Variants in UTRN observed in about 807,000 individuals in gnomAD.
The protein encoded by UTRN is dystrophin-related protein 1.
UTRN carries 283 observed loss-of-function variants against 463.9 expected under a neutral mutation model. The ratio of observed to expected loss-of-function variants is 0.61; its 90% confidence interval spans 0.55 to 0.67. UTRN has a LOEUF of 0.67. Among genes scored for constraint, UTRN ranks in the 30% least tolerant of loss-of-function variants. The pLI is 0.00. For missense variants in UTRN, 3,922 were observed against 4,084.3 expected (o/e 0.96, Z 1.08); for synonymous variants, 1,442 against 1,431.5 (o/e 1.01, Z -0.17).
intron 51 of UTRN, among the ~76,000 whole-genome samples, chr6:144,623,464 A>G (rs946583580): frequency 1.3e-5 from 2 of 152,134 alleles, no homozygotes; most frequent in African/African-American, 4.8e-5. Flanking sequence ...AGTACTTGTT[A>G]CTCTTAACTA....
intron 2 of UTRN, among the ~76,000 whole-genome samples, chr6:144,323,338 T>C (rs551340811): frequency 6.6e-6 from 1 of 152,200 alleles, no homozygotes; most frequent in African/African-American, 2.4e-5. Flanking sequence ...TCCAACATCA[T>C]TCATCTCCAT....
chr6:144,300,206 C>T (rs1250547703), intron 2 of UTRN, among the ~76,000 whole-genome samples: 4 of 152,014 alleles, frequency 2.6e-5, no homozygotes, highest in African/African-American at 7.3e-5. Context: ...TCTCCCACCT[C>T]AGCTTCATGA....
Position 144,605,021 on chromosome 6 carries a change from C to T in UTRN, c.7479+27733C>T, listed in dbSNP as rs111597365. Among the ~76,000 whole-genome samples the T allele has an allele frequency of 4.2e-3, 638 of 152,264 alleles. 4 individuals carry two copies. The highest frequency in any genetic ancestry group is 0.014 in the African/African-American group (602 of 41,558). On this transcript the variant is annotated intron_variant, in intron 51 of 74. Transcript: ENST00000367545. ...TATTTATGGAAGAATCCACTTCTCA[C>T]GATATATCGTTGGCTTCCCTGCAGC... is the stretch of plus-strand genomic sequence containing the variant.
chr6:144,340,662 T>C (rs2114629132), intron 2 of UTRN, among the ~76,000 whole-genome samples: 1 of 152,338 alleles, frequency 6.6e-6, no homozygotes, highest in East Asian at 1.9e-4. Context: ...GAACAAAATT[T>C]GATTACTGCT....
chr6:144,398,271 A>T (rs923129039), intron 2 of UTRN: 3 of 275,134 alleles, frequency 1.1e-5, no homozygotes, highest in East Asian at 2.2e-4. Flanking sequence ...CTTAACAACC[A>T]TCATTGCCTT....
At chr6:144,846,416 G>A (rs778442669) in intron 73 of UTRN, among the ~76,000 whole-genome samples, 4 of 152,192 alleles carry the variant, frequency 2.6e-5, no homozygotes, top group Non-Finnish European at 5.9e-5. Context: ...AAAGACTTAT[G>A]CCTTCAGTGG....
At position 144,473,784 on chromosome 6, in the gene UTRN, C is replaced by A. The variant is rs753605573; in HGVS notation, c.3131C>A (p.Ala1044Asp). ...GVKDFLMKQQ[A>D]AQGDDAGLQR... ...AAAGACTTCTTAATGAAACAGCAGGCTGCCCAAGGAGACGACGCAGGTCTA... is the reference window on the plus strand; with the variant it reads ...AAAGACTTCTTAATGAAACAGCAGGATGCCCAAGGAGACGACGCAGGTCTA... Residue 1044 changes from alanine to aspartate, a missense_variant, in exon 24 of 75, where the codon GCT (alanine) becomes GAT (aspartate). This residue lies in a region of UTRN where 2,349 missense variants were observed against 2,303.8 expected (regional missense o/e 1.02). Transcript: ENST00000367545. 6.2e-7 allele frequency: 1 copy of A among 1,614,174 alleles called. No individual in the cohort carries two copies.
chr6:144,548,805 T>C lies in UTRN; in HGVS notation c.6761T>C (p.Val2254Ala), dbSNP rs1798647099. The C allele has an allele frequency of 6.2e-7, 1 of 1,613,966 alleles. No homozygotes were observed. The highest frequency in any genetic ancestry group is 1.6e-4 in the Middle Eastern group (1 of 6,084). ...GACCAGATGCTGAAGTCCAACATTG[T>C]CACTGTTGGGGATGTAGAAGAGATC... is the stretch of plus-strand genomic sequence containing the variant. ...LIDQMLKSNI[V>A]TVGDVEEINK... Residue 2254 changes from valine to alanine, a missense_variant, in exon 47 of 75, where the codon GTC (valine) becomes GCC (alanine). Physicochemically the swap from Val to Ala is moderately conservative, Grantham distance 64. Coordinates refer to ENST00000367545, the MANE Select transcript of UTRN (RefSeq NM_007124.3).
chr6:144,786,074 A>T (rs887349890), intron 61 of UTRN, among the ~76,000 whole-genome samples: 20 of 152,164 alleles, frequency 1.3e-4, no homozygotes, highest in African/African-American at 3.4e-4. Flanking sequence ...CAGTTTAAAG[A>T]GTTGCCTATG....
chr6:144,514,361 C>G (rs75413873), intron 36 of UTRN, among the ~76,000 whole-genome samples: 1,811 of 152,274 alleles, frequency 0.012, 43 homozygotes, highest in African/African-American at 0.041. Context: ...GTCTTACTTA[C>G]TTTTGTATTC....
chr6:144,705,525 C>A (rs912423353), intron 53 of UTRN, among the ~76,000 whole-genome samples: 3 of 152,138 alleles, frequency 2.0e-5, no homozygotes, highest in Non-Finnish European at 4.4e-5. Flanking sequence ...CTCACTGTGT[C>A]CTCCCATAGT....
At chr6:144,750,902 G>T (rs1338693897) in intron 55 of UTRN, among the ~76,000 whole-genome samples, 2 of 152,134 alleles carry the variant, frequency 1.3e-5, no homozygotes, top group Non-Finnish European at 2.9e-5. Flanking sequence ...TTAGTAAGTT[G>T]TTTTAATGAT....
In UTRN at chr6:144,494,113, G is replaced by A. The variant is rs902843886; in HGVS notation, c.4593+657G>A. Among the ~76,000 whole-genome samples the A allele has an allele frequency of 7.9e-5, 12 of 152,272 alleles. No individual in the cohort carries two copies. In the East Asian group the frequency reaches 2.1e-3, roughly 27 times the overall value. On this transcript the variant is annotated intron_variant, in intron 33 of 74. Coordinates refer to ENST00000367545, the MANE Select transcript of UTRN (RefSeq NM_007124.3). ...ACTACAAGTAATATATGTTCATTGT[G>A]GTAGACTTAGTGTGTCTGGAATTGG... is the stretch of plus-strand genomic sequence containing the variant.
chr6:144,623,855 C>A (rs942308278), intron 51 of UTRN, among the ~76,000 whole-genome samples: 2 of 151,992 alleles, frequency 1.3e-5, no homozygotes, highest in Non-Finnish European at 2.9e-5. Flanking sequence ...ATACATGATA[C>A]CTTTAATAAT....
chr6:144,386,282 C>A (rs777335914), intron 2 of UTRN, among the ~76,000 whole-genome samples: 1 of 151,976 alleles, frequency 6.6e-6, no homozygotes, highest in Non-Finnish European at 1.5e-5. Context: ...GGCAACATGG[C>A]GAAACCTCGT....
intron 51 of UTRN, among the ~76,000 whole-genome samples, chr6:144,648,257 A>C (rs1778474963): frequency 6.6e-6 from 1 of 152,174 alleles, no homozygotes; most frequent in East Asian, 1.9e-4. Context: ...TACACCACTC[A>C]TTCATTATTT....
In UTRN at chr6:144,291,899, C is replaced by A; in HGVS notation, c.71C>A (p.Ser24Tyr). The A allele has an allele frequency of 6.2e-7, 1 of 1,610,600 alleles. No individual in the cohort carries two copies. Among genetic ancestry groups the A allele is most frequent in the South Asian group, 1.1e-5 (1 of 90,500 alleles). The change falls in exon 2 of 75, where the codon TCC becomes TAC. Residue 24 changes from serine (S) to tyrosine (Y), a missense_variant. Ser to Tyr is a moderately radical substitution (Grantham distance 144, BLOSUM62 -2). Around this residue, in one of 3 missense-constraint regions of UTRN, gnomAD observed 264 missense variants for 327.9 expected, o/e 0.81. Transcript: ENST00000367545. Reference sequence around the variant, plus strand: ...AACGAATTCAGTGATATCATTAAGTCCAGATCTGGTAGGTAAAGGAAGCTC... The same window carrying A: ...AACGAATTCAGTGATATCATTAAGTACAGATCTGGTAGGTAAAGGAAGCTC... Reference protein sequence around the residue: ...GQNEFSDIIKSRSDEHNDVQK... With the variant: ...GQNEFSDIIKYRSDEHNDVQK...
Position 144,748,899 on chromosome 6 carries a change from T to G in UTRN, c.8208+385T>G, listed in dbSNP as rs528105639. 1.0e-3 allele frequency among the ~76,000 whole-genome samples: 157 copies of G among 152,304 alleles called. 1 individual carries two copies. Among genetic ancestry groups the G allele is most frequent in the Non-Finnish European group, 1.1e-3 (77 of 68,018 alleles). Reference sequence around the variant, plus strand: ...AAGACACTGAATTGTTTGTTTTGTATTGATTCCCAGAGCCTGGATTTTGCA... The same window carrying G: ...AAGACACTGAATTGTTTGTTTTGTAGTGATTCCCAGAGCCTGGATTTTGCA... On this transcript the variant is annotated intron_variant, in intron 55 of 74. Transcript: ENST00000367545.
At chr6:144,560,744 G>T (rs1369630779) in intron 50 of UTRN, among the ~76,000 whole-genome samples, 2 of 152,046 alleles carry the variant, frequency 1.3e-5, no homozygotes. Flanking sequence ...TTTGATAACA[G>T]AAATCTTTGA....
Sources: gnomAD v4.1 joint callset for allele counts (sites outside exome capture counted in the v4.1 genomes callset) on GRCh38, gnomAD v4.1.1 for gene constraint, gnomAD v4.1.1 regional missense constraint, MANE v1.5 for transcripts, NCBI Gene and HGNC (gene_info 2026-07-23, HGNC 2026-07-21) for gene names.